DOCK3: variants seen among roughly 807,000 people sequenced by gnomAD.
The protein encoded by DOCK3 is dedicator of cytokinesis protein 3.
DOCK3 carries 60 observed loss-of-function variants against 265.6 expected under a neutral mutation model. The observed-to-expected ratio is 0.23, with a 90% CI of 0.18 to 0.28. The LOEUF (loss-of-function observed/expected upper bound fraction) is 0.28, where lower values mean the gene tolerates loss of function less well. DOCK3 is among the 10% of genes least tolerant of loss of function. The pLI is 1.00. For synonymous variants in DOCK3, 881 were observed against 938.0 expected, an observed-to-expected ratio of 0.94 and a Z score of 1.11; for missense variants, 1,981 against 2,594.3, an observed-to-expected ratio of 0.76 and a Z score of 5.14.
At chr3:50,779,090 C>CT (rs951443886) in intron 2 of DOCK3, among the ~76,000 whole-genome samples, 2 of 152,090 alleles carry the variant, frequency 1.3e-5, no homozygotes, top group Admixed American at 6.5e-5. Context: ...AAGCATTTAC[C>CT]TTTTTTTGTG....
chr3:51,354,487 T>G (rs1028420150), intron 40 of DOCK3, among the ~76,000 whole-genome samples: 4 of 152,212 alleles, frequency 2.6e-5, no homozygotes, highest in African/African-American at 9.6e-5. Context: ...TGATTGTTGT[T>G]GCCCTGGTTG....
intron 3 of DOCK3, among the ~76,000 whole-genome samples, chr3:50,872,906 C>T (rs536682159): frequency 9.8e-5 from 15 of 152,336 alleles, no homozygotes; most frequent in African/African-American, 3.1e-4. Flanking sequence ...GTGACTCTTT[C>T]CTGGCCTGGG....
chr3:50,797,350 C>T (rs975464920), intron 2 of DOCK3, among the ~76,000 whole-genome samples: 23 of 152,204 alleles, frequency 1.5e-4, no homozygotes, highest in Admixed American at 1.4e-3. Flanking sequence ...TCTAGTTTCA[C>T]TCCTGTGGCA....
intron 1 of DOCK3, among the ~76,000 whole-genome samples, chr3:50,758,035 G>A (rs575092913): frequency 9.9e-5 from 15 of 151,656 alleles, no homozygotes; most frequent in Middle Eastern, 6.8e-3. Flanking sequence ...AAAATTAGCC[G>A]GGAGTGGCAG....
intron 1 of DOCK3, among the ~76,000 whole-genome samples, chr3:50,694,130 C>T (rs1334954204): frequency 4.0e-5 from 6 of 151,624 alleles, no homozygotes; most frequent in South Asian, 2.1e-4. Context: ...ATTAGCCAGG[C>T]GTGGTGGCGG....
chr3:50,773,202 A>G (rs751627185), intron 1 of DOCK3, among the ~76,000 whole-genome samples: 1 of 152,138 alleles, frequency 6.6e-6, no homozygotes, highest in Non-Finnish European at 1.5e-5. Flanking sequence ...GGTTTCTTCT[A>G]TAAATTATGC....
intron 1 of DOCK3, among the ~76,000 whole-genome samples, chr3:50,705,262 A>G (rs2036330702): frequency 1.3e-5 from 2 of 151,830 alleles, no homozygotes; most frequent in South Asian, 4.2e-4. Flanking sequence ...TCCCCACCCA[A>G]ATCTCATCTT....
At chr3:51,122,524 G>A (rs1341533032) in intron 9 of DOCK3, among the ~76,000 whole-genome samples, 1 of 152,162 alleles carries the variant, frequency 6.6e-6, no homozygotes, top group Non-Finnish European at 1.5e-5. Context: ...ATACACAATT[G>A]TTATATGTCT....
intron 12 of DOCK3, among the ~76,000 whole-genome samples, 185 bp from the exon 13 acceptor site, chr3:51,208,589 C>G (rs1295633973): frequency 6.6e-6 from 1 of 152,166 alleles, no homozygotes; most frequent in African/African-American, 2.4e-5. Flanking sequence ...AGTTTCTATC[C>G]TTTGCCCAAG....
At chr3:51,360,283 C>G (rs2086635997) in intron 46 of DOCK3, among the ~76,000 whole-genome samples, 2 of 152,198 alleles carry the variant, frequency 1.3e-5, no homozygotes, top group South Asian at 4.1e-4. Flanking sequence ...GTGGAGTCAA[C>G]CTGGGGCCTC....
chr3:51,136,781 G>A (rs189426842), intron 9 of DOCK3, among the ~76,000 whole-genome samples: 13 of 152,288 alleles, frequency 8.5e-5, no homozygotes, highest in Non-Finnish European at 1.6e-4. Flanking sequence ...GTTACTTGGA[G>A]TCCTGAAGTG....
At chr3:50,737,124 T>C (rs2038686443) in intron 1 of DOCK3, among the ~76,000 whole-genome samples, 1 of 152,198 alleles carries the variant, frequency 6.6e-6, no homozygotes, top group Non-Finnish European at 1.5e-5. Flanking sequence ...ATGAGTAGAT[T>C]GCAAAAATTT....
At chr3:50,899,335 A>C (rs1010964194) in intron 4 of DOCK3, among the ~76,000 whole-genome samples, 1 of 152,040 alleles carries the variant, frequency 6.6e-6, no homozygotes, top group Non-Finnish European at 1.5e-5. Flanking sequence ...CTTGGTAAAT[A>C]TTCCTCCATC....
intron 5 of DOCK3, among the ~76,000 whole-genome samples, chr3:51,025,290 A>AATGTTTCACAG (rs1422102984): frequency 6.6e-6 from 1 of 152,074 alleles, no homozygotes; most frequent in African/African-American, 2.4e-5. Context: ...TCGCTGGGGT[A>AATGTTTCACAG]ATGTTTCACA....
At chr3:50,800,991 A>G (rs756675429) in intron 2 of DOCK3, among the ~76,000 whole-genome samples, 8 of 152,072 alleles carry the variant, frequency 5.3e-5, no homozygotes, top group Non-Finnish European at 1.2e-4. Flanking sequence ...TCTTATTGAT[A>G]TCTAGTTTTA....
chr3:51,130,336 G>A (rs2084469858), intron 9 of DOCK3, among the ~76,000 whole-genome samples: 1 of 152,214 alleles, frequency 6.6e-6, no homozygotes, highest in African/African-American at 2.4e-5. Context: ...TACCCCTGAG[G>A]TAGGACAGTA....
intron 1 of DOCK3, among the ~76,000 whole-genome samples, chr3:50,729,334 A>AAT (rs1426743171): frequency 7.1e-6 from 1 of 140,726 alleles, no homozygotes; most frequent in Non-Finnish European, 1.5e-5. Context: ...AAAAAAAAAA[A>AAT]AGTTGTTTAT....
rs1490388013 is a variant in DOCK3, at chr3:50,877,194, A to C, written c.163-12832A>C. On this transcript the variant is annotated intron_variant, in intron 3 of 52. Coordinates refer to ENST00000266037, the MANE Select transcript of DOCK3 (RefSeq NM_004947.5). ...GAGCCATACTGAGCTCCTGAATGTC[A>C]TCTGGCTTCTTTCTCCCTCTGAGCT... 5 of 324,518 alleles carry C rather than the reference A, an allele frequency of 1.5e-5. No individual in the cohort carries two copies. The East Asian group carries it at 3.8e-4, about 25-fold the overall frequency. 20.1% of individuals were successfully genotyped at this position (324,518 alleles called of 1,614,324 possible).
intron 2 of DOCK3, among the ~76,000 whole-genome samples, chr3:50,818,623 A>G (rs1391289485): frequency 6.6e-6 from 1 of 152,236 alleles, no homozygotes; most frequent in East Asian, 1.9e-4. Context: ...GGTGCAGGGT[A>G]TTATGGTTAC....
Sources: allele counts gnomAD v4.1 joint callset (sites outside exome capture counted in the v4.1 genomes callset), GRCh38; gene constraint gnomAD v4.1.1; transcripts MANE v1.5; gene names NCBI Gene and HGNC (gene_info 2026-07-23, HGNC 2026-07-21).